CACNA1E: variants seen among roughly 807,000 people sequenced by gnomAD.
CACNA1E encodes voltage-dependent R-type calcium channel subunit alpha-1E.
CACNA1E carries 40 observed loss-of-function variants against 259.2 expected under a neutral mutation model. That is an observed-to-expected ratio of 0.15 (90% confidence interval 0.12 to 0.20). CACNA1E has a LOEUF of 0.20. CACNA1E is among the 10% of genes least tolerant of loss of function. CACNA1E has a pLI of 1.00. For missense variants in CACNA1E, 1,874 were observed against 3,040.1 expected, an observed-to-expected ratio of 0.62 and a Z score of 9.02; for synonymous variants, 1,104 against 1,138.5, an observed-to-expected ratio of 0.97 and a Z score of 0.61.
At chr1:181,695,777 A>T (rs1234061459) in intron 7 of CACNA1E, among the ~76,000 whole-genome samples, 1 of 152,194 alleles carries the variant, frequency 6.6e-6, no homozygotes, top group East Asian at 1.9e-4. Context: ...CAACATGGCG[A>T]AACCCCATCT....
rs75162801 is a variant in CACNA1E, at chr1:181,321,214, A to G, written c.-15+3091A>G. ...CCAAACACCTCTCACTAGGTCCCCAACTCCAACACTGGGGGTCACATTTCA... is the reference window on the plus strand; with the variant it reads ...CCAAACACCTCTCACTAGGTCCCCAGCTCCAACACTGGGGGTCACATTTCA... On this transcript the variant is annotated intron_variant, in intron 1 of 11. Transcript: ENST00000524607. Among the ~76,000 whole-genome samples, 837 of 152,170 alleles carry G rather than the reference A, an allele frequency of 5.5e-3. 8 individuals carry two copies. Among genetic ancestry groups the G allele is most frequent in the South Asian group, 0.041 (199 of 4,806 alleles).
chr1:181,709,041 G>A (rs1340739180), intron 7 of CACNA1E, among the ~76,000 whole-genome samples: 1 of 152,222 alleles, frequency 6.6e-6, no homozygotes, highest in Non-Finnish European at 1.5e-5. Context: ...TCAAGATAGT[G>A]AGGATGGAGA....
chr1:181,416,876 C>T (rs1242768798), intron 2 of CACNA1E, among the ~76,000 whole-genome samples: 3 of 152,208 alleles, frequency 2.0e-5, no homozygotes, highest in African/African-American at 7.2e-5. Context: ...CCTGGGTTTA[C>T]TGCCTCTCTT....
rs79305798 is a variant in CACNA1E at position 181,741,388 on chromosome 1, C to G, written c.3719+2135C>G. Among the ~76,000 whole-genome samples the G allele has an allele frequency of 3.9e-5, 6 of 152,296 alleles. No individual in the cohort carries two copies. In the East Asian group the frequency reaches 1.2e-3, roughly 29 times the overall value. On this transcript the variant is annotated intron_variant, in intron 25 of 47. Transcript: ENST00000367573. ...AATAATGTGTGTAAAGTGCTTAGGACGGGGCCTGATGTAGTGTGAACAGTC... is the reference window on the plus strand; with the variant it reads ...AATAATGTGTGTAAAGTGCTTAGGAGGGGGCCTGATGTAGTGTGAACAGTC...
At chr1:181,615,254 G>A (rs1384178632) in intron 6 of CACNA1E, among the ~76,000 whole-genome samples, 4 of 152,136 alleles carry the variant, frequency 2.6e-5, no homozygotes, top group African/African-American at 4.8e-5. Context: ...GCAGTGGTGC[G>A]ATCTCGGCTC....
At chr1:181,749,880 C>T (rs762121612) in intron 25 of CACNA1E, among the ~76,000 whole-genome samples, 11 of 152,206 alleles carry the variant, frequency 7.2e-5, no homozygotes, top group Non-Finnish European at 1.6e-4. Context: ...ACAAATGCCT[C>T]CCTCCCTTAT....
At chr1:181,363,589 C>G (rs1654049965) in intron 1 of CACNA1E, among the ~76,000 whole-genome samples, 1 of 152,168 alleles carries the variant, frequency 6.6e-6, no homozygotes, top group South Asian at 2.1e-4. Context: ...CAGCCTGACC[C>G]CTCAGGGAGC....
chr1:181,636,624 C>T lies in CACNA1E; in HGVS notation c.952-14714C>T, dbSNP rs1572445433. Among the ~76,000 whole-genome samples, 5 of 152,174 alleles carry T rather than the reference C, an allele frequency of 3.3e-5. No homozygotes were observed. In the South Asian group the frequency reaches 1.0e-3, roughly 32 times the overall value. ...GCACCAGTCAGAGGAAGCAGCCCTA[C>T]TTGGCTGTCGGAGAATCAGTGCACC... On this transcript the variant is annotated intron_variant, in intron 6 of 47. Transcript: ENST00000367573.
intron 3 of CACNA1E, among the ~76,000 whole-genome samples, chr1:181,565,504 A>G (rs1473563106): frequency 3.9e-5 from 6 of 152,212 alleles, no homozygotes; most frequent in South Asian, 4.1e-4. Flanking sequence ...CAGCTGCTTC[A>G]GAAGAGATCA....
Position 181,784,674 on chromosome 1 carries a change from G to A in CACNA1E, c.5484G>A (p.Arg1828=), listed in dbSNP as rs1489406776. The change falls in exon 41 of 48, where the codon AGG becomes AGA. Residue 1828 remains arginine (R), a synonymous_variant. Coordinates refer to ENST00000367573, the MANE Select transcript of CACNA1E (RefSeq NM_001205293.3). ...DIKIAKGGAD[R]QQLDSELQKE... is the part of the protein sequence containing the mutation. ...ATCTTATTCTAGGTGGTGCAGACAG[G>A]CAGCAGCTAGACTCAGAGCTACAAA... The A allele has an allele frequency of 6.3e-7, 1 of 1,576,228 alleles. No individual in the cohort carries two copies. Among genetic ancestry groups the A allele is most frequent in the South Asian group, 1.2e-5 (1 of 85,694 alleles).
At chr1:181,444,337 AAAAAGATT>A (rs1660677211) in intron 2 of CACNA1E, among the ~76,000 whole-genome samples, 1 of 151,910 alleles carries the variant, frequency 6.6e-6, no homozygotes. Context: ...TTAAAAAAAA[AAAAAGATT>A]TTTCTTTATA....
intron 7 of CACNA1E, among the ~76,000 whole-genome samples, chr1:181,701,058 A>G (rs1396994004): frequency 6.6e-6 from 1 of 152,232 alleles, no homozygotes; most frequent in East Asian, 1.9e-4. Context: ...ATGAACCATG[A>G]CATTTTGCCT....
chr1:181,733,891 TC>T, intron 21 of CACNA1E, 141 bp downstream of exon 21: 1 of 602,860 alleles, frequency 1.7e-6, no homozygotes, highest in Non-Finnish European at 2.6e-6. Context: ...GGCGGTTTTC[TC>T]CCAGTGTGCA....
At chr1:181,378,448 C>A (rs1392807721) in intron 1 of CACNA1E, among the ~76,000 whole-genome samples, 3 of 152,212 alleles carry the variant, frequency 2.0e-5, no homozygotes, top group African/African-American at 7.2e-5. Context: ...TAGATTCCAG[C>A]AGACTCCCTG....
chr1:181,653,138 T>G (rs1658908250), intron 7 of CACNA1E, among the ~76,000 whole-genome samples: 1 of 152,182 alleles, frequency 6.6e-6, no homozygotes, highest in African/African-American at 2.4e-5. Context: ...GCTCCGCGGC[T>G]TAAAACTGTG....
At chr1:181,408,859 C>A (rs1333713672) in intron 1 of CACNA1E, among the ~76,000 whole-genome samples, 1 of 152,182 alleles carries the variant, frequency 6.6e-6, no homozygotes, top group East Asian at 1.9e-4. Context: ...AATTTCGAAG[C>A]AGGCCCTCTT....
chr1:181,347,678 G>A (rs749396451), intron 1 of CACNA1E, among the ~76,000 whole-genome samples: 20 of 152,226 alleles, frequency 1.3e-4, no homozygotes, highest in Non-Finnish European at 2.6e-4. Context: ...TCAGTCATTT[G>A]TGGGGCTTGT....
At chr1:181,411,993 T>C (rs1432254050) in intron 1 of CACNA1E, among the ~76,000 whole-genome samples, 3 of 152,274 alleles carry the variant, frequency 2.0e-5, no homozygotes, top group Admixed American at 6.5e-5. Context: ...ATCGATGTTC[T>C]TCCTGCCTCT....
chr1:181,761,435 T>C (rs1459352405), intron 32 of CACNA1E, among the ~76,000 whole-genome samples: 3 of 152,206 alleles, frequency 2.0e-5, no homozygotes, highest in Non-Finnish European at 4.4e-5. Flanking sequence ...CCTGGCCTAG[T>C]GTCTGGCTCA....
Sources: gnomAD v4.1 joint callset for allele counts (sites outside exome capture counted in the v4.1 genomes callset) on GRCh38, gnomAD v4.1.1 for gene constraint, MANE v1.5 for transcripts, NCBI Gene and HGNC (gene_info 2026-07-23, HGNC 2026-07-21) for gene names.